The following CEMIP2 variants were observed in gnomAD, a reference collection of about 807,000 sequenced individuals.
The protein encoded by CEMIP2 is cell migration inducing hyaluronidase 2.
In CEMIP2, 79 loss-of-function variants were observed where a neutral mutation model predicts 146.9. The ratio of observed to expected loss-of-function variants is 0.54; its 90% CI spans 0.45 to 0.65. The LOEUF is 0.65. Ranked by LOEUF, CEMIP2 falls within the 30% of genes least tolerant of loss-of-function variation. CEMIP2 has a pLI of 0.00. For synonymous variants in CEMIP2, 601 were observed against 606.3 expected, an observed-to-expected ratio of 0.99 and a Z score of 0.13; for missense variants, 1,596 against 1,696.2, an observed-to-expected ratio of 0.94 and a Z score of 1.04.
intron 6 of CEMIP2, 100 bp downstream of exon 6, chr9:71,734,706 G>A (rs1823713319): frequency 9.8e-7 from 1 of 1,020,766 alleles, no homozygotes; most frequent in Non-Finnish European, 1.4e-6. Flanking sequence ...TGATGGTGGT[G>A]GTGGTAGTGA....
chr9:71,737,922 C>A (rs1017963612), intron 5 of CEMIP2, among the ~76,000 whole-genome samples: 1 of 152,016 alleles, frequency 6.6e-6, no homozygotes, highest in African/African-American at 2.4e-5. Flanking sequence ...ATGCATAATA[C>A]CCATTCATCA....
chr9:71,705,800 T>C (rs999868692), intron 17 of CEMIP2, among the ~76,000 whole-genome samples: 1 of 150,888 alleles, frequency 6.6e-6, no homozygotes, highest in Non-Finnish European at 1.5e-5. Context: ...TACATTTATA[T>C]ATGTGTATGT....
intron 21 of CEMIP2, among the ~76,000 whole-genome samples, chr9:71,692,625 T>TAAA (rs1160190356): frequency 1.3e-5 from 2 of 152,174 alleles, no homozygotes; most frequent in East Asian, 3.9e-4. Context: ...TGAAGAAACT[T>TAAA]TAACCTGGTG....
intron 11 of CEMIP2, 145 bp downstream of exon 11, chr9:71,725,436 A>G (rs1352217350): frequency 5.8e-6 from 5 of 864,858 alleles, no homozygotes; most frequent in Non-Finnish European, 8.4e-6. Context: ...CAGAAGTGTG[A>G]GCCAAATAAA....
intron 12 of CEMIP2, among the ~76,000 whole-genome samples, chr9:71,721,609 G>A (rs767893961): frequency 6.6e-6 from 1 of 152,112 alleles, no homozygotes; most frequent in African/African-American, 2.4e-5. Flanking sequence ...CCAACCTATG[G>A]TGTGCTTCCT....
At chr9:71,735,326 A>G (rs1394265136) in intron 5 of CEMIP2, among the ~76,000 whole-genome samples, 2 of 152,102 alleles carry the variant, frequency 1.3e-5, no homozygotes, top group East Asian at 3.9e-4. Flanking sequence ...CAGTGCAACA[A>G]CTGTTATACT....
chr9:71,741,482 C>G (rs1023726693), intron 4 of CEMIP2, among the ~76,000 whole-genome samples: 3 of 151,872 alleles, frequency 2.0e-5, no homozygotes, highest in African/African-American at 7.3e-5. Context: ...CAGGTGTGAG[C>G]CACCGCAGCC....
intron 11 of CEMIP2, among the ~76,000 whole-genome samples, chr9:71,723,709 C>T (rs1319453905): frequency 6.6e-6 from 1 of 152,144 alleles, no homozygotes; most frequent in Non-Finnish European, 1.5e-5. Flanking sequence ...TAGGATAAGC[C>T]TGACCAACCT....
intron 9 of CEMIP2, 53 bp downstream of exon 9, chr9:71,729,995 C>T: frequency 6.2e-7 from 1 of 1,613,202 alleles, no homozygotes; most frequent in Non-Finnish European, 8.5e-7. Context: ...AAACCTCTTC[C>T]CCAAAAGTCA....
chr9:71,738,968 T>C (rs1194761480), intron 5 of CEMIP2, among the ~76,000 whole-genome samples: 1 of 152,216 alleles, frequency 6.6e-6, no homozygotes, highest in East Asian at 1.9e-4. Context: ...TAACACATTT[T>C]TTCTTGGCTT....
At chr9:71,714,366 G>GTGATGATGATGATGATGA (rs6151029) in intron 15 of CEMIP2, among the ~76,000 whole-genome samples, 43 of 151,902 alleles carry the variant, frequency 2.8e-4, no homozygotes, top group East Asian at 5.8e-4. Flanking sequence ...TAATGACTCT[G>GTGATGATGATGATGATGA]TGATGATGAT....
chr9:71,743,936 C>G (rs1823998754), intron 4 of CEMIP2, among the ~76,000 whole-genome samples: 1 of 152,030 alleles, frequency 6.6e-6, no homozygotes, highest in South Asian at 2.1e-4. Context: ...TTTTGAGGTA[C>G]TCTTACTTTT....
chr9:71,761,105 C>T (rs62544891), intron 1 of CEMIP2, among the ~76,000 whole-genome samples: 8,611 of 152,270 alleles, frequency 0.057, 376 homozygotes, highest in Non-Finnish European at 0.083. Flanking sequence ...AGTGCAGGCG[C>T]GTCACCAGCC....
Position 71,734,048 on chromosome 9 carries a change from G to T in CEMIP2, c.1393+758C>A, listed in dbSNP as rs377679049. 1.9e-4 allele frequency among the ~76,000 whole-genome samples: 29 copies of T among 152,102 alleles called. No homozygotes were observed. The East Asian group carries it at 1.9e-3, about 10-fold the overall frequency. On this transcript the variant is annotated intron_variant, in intron 6 of 23. Coordinates refer to ENST00000377044, the MANE Select transcript of CEMIP2 (RefSeq NM_013390.3). ...TATTTAGTAGAGATGGGGTTTCACC[G>T]TATGGGCCGGGCCGGTCTCAAATGC...
chr9:71,715,234 CTGCTTT>C, intron 14 of CEMIP2, 145 bp from the exon 15 acceptor site: 1 of 428,876 alleles, frequency 2.3e-6, no homozygotes. Context: ...TCTTCAGAAA[CTGCTTT>C]TTTTTTTTTT....
rs536866931 is a variant in CEMIP2, at chr9:71,729,717, A to T, written c.2049+128T>A. On this transcript the variant is annotated intron_variant, in intron 10 of 23. Transcript: ENST00000377044. The stretch of plus-strand genomic sequence containing the variant: ...TACCGTATTCTGCTCTCAACTAAAC[A>T]AGTAGTACCAGAAAACAATGTCATG... The T allele has an allele frequency of 1.1e-5, 9 of 835,588 alleles. No individual in the cohort carries two copies. The South Asian group carries it at 1.4e-4, about 13-fold the overall frequency. 51.8% of individuals were successfully genotyped at this position (835,588 alleles called of 1,614,324 possible). A position where few individuals can be genotyped will look rare whatever the true frequency, so the allele number is the denominator to read the frequency against.
chr9:71,694,689 TA>T (rs1822343035), intron 20 of CEMIP2, 82 bp from the exon 21 acceptor site: 1 of 851,592 alleles, frequency 1.2e-6, no homozygotes, highest in Admixed American at 2.2e-5. Context: ...TAATTATAAT[TA>T]AAGCCAGTGG....
chr9:71,692,105 T>C (rs1279351948), intron 21 of CEMIP2, among the ~76,000 whole-genome samples: 1 of 142,690 alleles, frequency 7.0e-6, no homozygotes, highest in Non-Finnish European at 1.5e-5. Context: ...CGAGACTCTA[T>C]CTTAAAAAAA....
chr9:71,726,694 A>G (rs1325272194), intron 10 of CEMIP2, among the ~76,000 whole-genome samples: 2 of 152,218 alleles, frequency 1.3e-5, no homozygotes, highest in Non-Finnish European at 2.9e-5. Context: ...TTATACCTAC[A>G]CACCAGAATG....
Sources: allele counts gnomAD v4.1 joint callset (sites outside exome capture counted in the v4.1 genomes callset), GRCh38; gene constraint gnomAD v4.1.1; transcripts MANE v1.5; gene names NCBI Gene and HGNC (gene_info 2026-07-23, HGNC 2026-07-21).